The following ZNF789 variants were observed in gnomAD, a reference collection of about 807,000 sequenced individuals.
The protein encoded by ZNF789 is zinc finger protein 789.
A neutral mutation model predicts 15.6 loss-of-function variants in ZNF789; 11 were observed. The observed-to-expected ratio is 0.70, with a 90% CI of 0.44 to 1.16. The LOEUF is 1.16. Ranked by LOEUF, ZNF789 falls within the 50% of genes most tolerant of loss-of-function variation. ZNF789 has a pLI of 0.00. For missense variants in ZNF789, 461 were observed against 512.6 expected, an observed-to-expected ratio of 0.90 and a Z score of 0.97; for synonymous variants, 159 against 176.0, an observed-to-expected ratio of 0.90 and a Z score of 0.76.
In ZNF789 at chr7:99,486,998, G is replaced by C; in HGVS notation, c.788G>C (p.Gly263Ala). 2 of 1,614,100 alleles carry C rather than the reference G, an allele frequency of 1.2e-6. No homozygotes were observed. The highest frequency in any genetic ancestry group is 1.7e-6 in the Non-Finnish European group (2 of 1,180,038). Residue 263 changes from glycine (G) to alanine (A), a missense_variant, in exon 5 of 5, where the codon GGA (glycine) becomes GCA (alanine). Coordinates refer to ENST00000331410, the MANE Select transcript of ZNF789 (RefSeq NM_213603.3). ...AAGCCATACAGATGTCATGACTGTG[G>C]AAAGTGTTTTCGGCAGCTCGCGTAT... ...QNKPYRCHDC[G>A]KCFRQLAYLV...
chr7:99,487,551 C>A lies in ZNF789; in HGVS notation c.*63C>A. On this transcript the variant is annotated 3_prime_UTR_variant, in exon 5 of 5. Transcript: ENST00000331410. ...ATAAACCTCTACTTCAAGTGTGTAT[C>A]ACGTAATTGTTTCCATGAAAAGCAA... 6.6e-7 allele frequency: 1 copy of A among 1,515,122 alleles called. No homozygotes were observed. The highest frequency in any genetic ancestry group is 8.9e-7 in the Non-Finnish European group (1 of 1,127,500). The allele number at this position is 1,515,122 out of a possible 1,614,324, so 93.9% of individuals were successfully genotyped here.
At chr7:99,478,428 G>A in intron 2 of ZNF789, 1 of 1,226,490 alleles carries the variant, frequency 8.2e-7, no homozygotes, top group Admixed American at 2.3e-5. Flanking sequence ...CGTATAATTT[G>A]GGAGGTTCTG....
At position 99,476,398 on chromosome 7, in the gene ZNF789, T is replaced by C; in HGVS notation, c.-54-5T>C. 2 of 1,591,116 alleles carry C rather than the reference T, an allele frequency of 1.3e-6. No homozygotes were observed. The highest frequency in any genetic ancestry group is 1.7e-6 in the Non-Finnish European group (2 of 1,170,650). ...CTGGCCTTACTGACTTTTTTTCTTC[T>C]CCAGCTCAGCCAGACGTCCAGGATC... On this transcript the variant is annotated splice_region_variant and splice_polypyrimidine_tract_variant and intron_variant, in intron 1 of 4. Transcript: ENST00000331410.
chr7:99,482,575 G>A (rs1799699932), intron 3 of ZNF789, among the ~76,000 whole-genome samples: 1 of 152,162 alleles, frequency 6.6e-6, no homozygotes. Flanking sequence ...TTGGGGTCAG[G>A]CATGGTGGCT....
intron 3 of ZNF789, chr7:99,480,063 C>T: frequency 2.4e-6 from 1 of 416,658 alleles, no homozygotes; most frequent in South Asian, 7.6e-5. Context: ...CGGTGGCTCA[C>T]ACCTGTAATC....
At chr7:99,482,409 C>T (rs762236867) in intron 3 of ZNF789, 11 of 608,502 alleles carry the variant, frequency 1.8e-5, no homozygotes, top group African/African-American at 5.5e-5. Context: ...CCACTGGTCA[C>T]GTGAGGTCAG....
At chr7:99,482,087 T>G in intron 3 of ZNF789, 1 of 773,078 alleles carries the variant, frequency 1.3e-6, no homozygotes, top group East Asian at 2.4e-5. Context: ...AGAAATTCAC[T>G]TATGTTTCAT....
At chr7:99,481,570 G>A (rs1799631105) in intron 3 of ZNF789, 1 of 152,828 alleles carries the variant, frequency 6.5e-6, no homozygotes, top group African/African-American at 2.4e-5. Context: ...TGATTCTCCT[G>A]CCTCAGACTC....
At position 99,479,322 on chromosome 7, in the gene ZNF789, T is replaced by C. The variant is rs187499217; in HGVS notation, c.25-339T>C. 8.1e-4 allele frequency: 163 copies of C among 202,228 alleles called. 3 individuals are homozygous for C. The Admixed American group carries it at 9.5e-3, about 12-fold the overall frequency. 12.5% of individuals were successfully genotyped at this position (202,228 alleles called of 1,614,324 possible). A position where few individuals can be genotyped will look rare whatever the true frequency, so the allele number is the denominator to read the frequency against. On this transcript the variant is annotated intron_variant, in intron 2 of 4. Transcript: ENST00000331410. ...TACTTGTCCACGGCTGCTTTTGTGC[T>C]CCAACACAAAGGCTGTTCCTCAGAT...
intron 3 of ZNF789, among the ~76,000 whole-genome samples, chr7:99,483,058 C>T (rs560240448): frequency 2.1e-4 from 31 of 151,054 alleles, no homozygotes; most frequent in Admixed American, 6.0e-4. Context: ...GGTGAAACCT[C>T]GTCTCTATTA....
Position 99,484,136 on chromosome 7 carries a change from T to C in ZNF789, c.258T>C (p.Ala86=), listed in dbSNP as rs775285294. The change falls in exon 4 of 5, where the codon GCT becomes GCC. Residue 86 remains alanine, a synonymous_variant. Coordinates refer to ENST00000331410, the MANE Select transcript of ZNF789 (RefSeq NM_213603.3). The part of the protein sequence containing the change: ...RTGNRKASGS[A]CPGSEARHKM... Reference sequence around the variant, plus strand: ...GGAATAGGAAGGCTTCCGGTAGTGCTTGCCCAGGTGGGTGAGGAAGAGACC... The same window carrying C: ...GGAATAGGAAGGCTTCCGGTAGTGCCTGCCCAGGTGGGTGAGGAAGAGACC... The C allele has an allele frequency of 1.2e-6, 2 of 1,613,378 alleles. No homozygotes were observed. Among genetic ancestry groups the C allele is most frequent in the African/African-American group, 1.3e-5 (1 of 74,792 alleles).
chr7:99,485,290 G>A, intron 4 of ZNF789: 3 of 1,340,562 alleles, frequency 2.2e-6, no homozygotes, highest in Non-Finnish European at 3.1e-6. Flanking sequence ...GGGACAGGAT[G>A]GGGCATGTCC....
intron 1 of ZNF789, among the ~76,000 whole-genome samples, chr7:99,473,827 G>T (rs564348277): frequency 5.0e-4 from 76 of 152,174 alleles, no homozygotes; most frequent in Middle Eastern, 3.4e-3. Context: ...CACTATGTTG[G>T]CCAGGCTGGT....
At position 99,479,750 on chromosome 7, in the gene ZNF789, T is replaced by C. The variant is rs1405094332; in HGVS notation, c.114T>C (p.Asp38=). The change falls in exon 3 of 5, where the codon GAT becomes GAC. Residue 38 remains aspartate, a synonymous_variant. Coordinates refer to ENST00000331410, the MANE Select transcript of ZNF789 (RefSeq NM_213603.3). ...LNWGQKDLYR[D]VMLENYRNMV... ...GGGGTCAGAAGGACCTCTACCGAGATGTGATGTTGGAGAACTACAGGAACA... is the reference window on the plus strand; with the variant it reads ...GGGGTCAGAAGGACCTCTACCGAGACGTGATGTTGGAGAACTACAGGAACA... 1 of 1,613,670 alleles carries C rather than the reference T, an allele frequency of 6.2e-7. No individual in the cohort carries two copies. Among genetic ancestry groups the C allele is most frequent in the East Asian group, 2.2e-5 (1 of 44,814 alleles).
intron 2 of ZNF789, 101 bp downstream of exon 2, chr7:99,476,581 C>A: frequency 6.9e-7 from 1 of 1,457,368 alleles, no homozygotes; most frequent in Non-Finnish European, 9.3e-7. Context: ...AGTTTTCCTT[C>A]TTAGACAGTG....
At chr7:99,474,751 GT>G (rs1313988866) in intron 1 of ZNF789, among the ~76,000 whole-genome samples, 1 of 152,162 alleles carries the variant, frequency 6.6e-6, no homozygotes, top group Non-Finnish European at 1.5e-5. Context: ...GATCAGGATA[GT>G]TTTTAGAGTG....
chr7:99,485,226 T>C, intron 4 of ZNF789: 1 of 1,536,024 alleles, frequency 6.5e-7, no homozygotes, highest in South Asian at 1.2e-5. Context: ...GTTTTTCACA[T>C]CCAAGGTTTC....
At chr7:99,483,895 T>C in intron 3 of ZNF789, 135 bp from the exon 4 acceptor site, 1 of 807,848 alleles carries the variant, frequency 1.2e-6, no homozygotes, top group South Asian at 1.3e-5. Flanking sequence ...CTGCCAGATA[T>C]TTACAAAGAT....
chr7:99,486,644 C>T lies in ZNF789; in HGVS notation c.434C>T (p.Thr145Ile). The change falls in exon 5 of 5, where the codon ACT becomes ATT. Residue 145 changes from threonine (T) to isoleucine (I), a missense_variant. Transcript: ENST00000331410. ...FVDSCRLTFP[T>I]SGDEYSRGFL... ...GACAGTTGCAGGCTTACTTTCCCTA[C>T]TAGTGGTGATGAATACAGCAGGGGC... 1 of 1,614,208 alleles carries T rather than the reference C, an allele frequency of 6.2e-7. No individual in the cohort carries two copies. The highest frequency in any genetic ancestry group is 8.5e-7 in the Non-Finnish European group (1 of 1,180,046).
Sources: allele counts gnomAD v4.1 joint callset (sites outside exome capture counted in the v4.1 genomes callset), GRCh38; gene constraint gnomAD v4.1.1; transcripts MANE v1.5; gene names NCBI Gene and HGNC (gene_info 2026-07-23, HGNC 2026-07-21).